ERC1: variants seen among roughly 807,000 people sequenced by gnomAD.
The protein encoded by ERC1 is ELKS/RAB6-interacting/CAST family member 1.
A neutral mutation model predicts 132.0 loss-of-function variants in ERC1; 56 were observed. The observed-to-expected ratio is 0.42, with a 90% CI of 0.34 to 0.53. The LOEUF (loss-of-function observed/expected upper bound fraction) is 0.53, where lower values mean the gene tolerates loss of function less well. ERC1 is among the 20% of genes least tolerant of loss of function. The probability of loss-of-function intolerance (pLI) is 0.03; values close to 1 mark genes in which losing one functional copy is unlikely to be tolerated. For missense variants in ERC1, 1,202 were observed against 1,349.9 expected (o/e 0.89, Z 1.72); for synonymous variants, 478 against 476.1 (o/e 1.00, Z -0.05).
chr12:1,316,145 C>G (rs561511203), intron 15 of ERC1, among the ~76,000 whole-genome samples: 154 of 152,306 alleles, frequency 1.0e-3, no homozygotes, highest in Non-Finnish European at 1.8e-3. Context: ...CCTCGGCCTC[C>G]CAAAGTGCTG....
chr12:1,217,903 C>T (rs1168653838), intron 12 of ERC1, among the ~76,000 whole-genome samples: 3 of 152,290 alleles, frequency 2.0e-5, no homozygotes, highest in African/African-American at 7.2e-5. Flanking sequence ...TGCCTCTGCC[C>T]TGAGCAGCTT....
In ERC1 at chr12:1,315,719, GA is replaced by G. The variant is rs1302100086; in HGVS notation, c.2780+25708del. ...ATTTCTGAATGGCACATTAGAGAGAGAGAAAGCCAGAGAGAGAGAGAGCGAG... is the reference window on the plus strand; with the variant it reads ...ATTTCTGAATGGCACATTAGAGAGAGGAAAGCCAGAGAGAGAGAGAGCGAG... On this transcript the variant is annotated intron_variant, in intron 15 of 18. Coordinates refer to ENST00000360905, the MANE Select transcript of ERC1 (RefSeq NM_178040.4). 8.5e-5 allele frequency among the ~76,000 whole-genome samples: 13 copies of G among 152,116 alleles called. No individual in the cohort carries two copies. In the East Asian group the frequency reaches 2.5e-3, roughly 29 times the overall value.
In ERC1 at chr12:993,985, C is replaced by G. The variant is rs913336316; in HGVS notation, c.-157+2663C>G. 2.8e-5 allele frequency among the ~76,000 whole-genome samples: 4 copies of G among 141,328 alleles called. No homozygotes were observed. In the Admixed American group the frequency reaches 3.2e-4, roughly 11 times the overall value. The allele number at this position is 141,328 out of a possible 152,430, so 92.7% of individuals were successfully genotyped here. The stretch of plus-strand genomic sequence containing the variant: ...TCAGGAAGCTGAGGCAGGAGAATTG[C>G]TTGAACCTGGGAGGTGGAGCTTGCA... On this transcript the variant is annotated intron_variant, in intron 1 of 18. Transcript: ENST00000360905.
At chr12:1,179,672 T>A (rs548814882) in intron 8 of ERC1, among the ~76,000 whole-genome samples, 4 of 151,780 alleles carry the variant, frequency 2.6e-5, no homozygotes, top group African/African-American at 4.9e-5. Flanking sequence ...TACGCCCGGC[T>A]AATTTTTTGT....
chr12:1,154,810 C>A (rs889082099), intron 8 of ERC1, among the ~76,000 whole-genome samples: 1 of 152,112 alleles, frequency 6.6e-6, no homozygotes, highest in Non-Finnish European at 1.5e-5. Flanking sequence ...AAAAAATGCT[C>A]AGCATCACTA....
chr12:1,272,492 T>C (rs548231914), intron 14 of ERC1, among the ~76,000 whole-genome samples: 17 of 152,252 alleles, frequency 1.1e-4, no homozygotes, highest in Non-Finnish European at 2.1e-4. Context: ...CTAGAAGTTG[T>C]AGATTTGCAT....
chr12:1,209,170 C>T (rs1487439596), intron 12 of ERC1, among the ~76,000 whole-genome samples: 5 of 151,840 alleles, frequency 3.3e-5, no homozygotes, highest in East Asian at 1.9e-4. Flanking sequence ...GGTTTCGCCA[C>T]GTTGCTCAGG....
intron 15 of ERC1, among the ~76,000 whole-genome samples, chr12:1,297,121 T>C (rs1198572569): frequency 6.8e-6 from 1 of 147,706 alleles, no homozygotes; most frequent in Non-Finnish European, 1.5e-5. Context: ...GCACAGTGCA[T>C]AAAGGGAAAC....
intron 8 of ERC1, among the ~76,000 whole-genome samples, chr12:1,158,302 T>C (rs1274431641): frequency 1.3e-5 from 2 of 152,216 alleles, no homozygotes; most frequent in Non-Finnish European, 2.9e-5. Context: ...ATTGTGTTGT[T>C]TTTTGTAAAG....
At chr12:1,299,184 C>T (rs1342394455) in intron 15 of ERC1, among the ~76,000 whole-genome samples, 1 of 152,064 alleles carries the variant, frequency 6.6e-6, no homozygotes, top group Non-Finnish European at 1.5e-5. Context: ...ACTTATTTAA[C>T]ATTTATAGAA....
chr12:1,302,563 A>G (rs1157258872), intron 15 of ERC1, among the ~76,000 whole-genome samples: 1 of 152,220 alleles, frequency 6.6e-6, no homozygotes, highest in Admixed American at 6.5e-5. Flanking sequence ...TGTTTAGGGC[A>G]TTTTAGGCAT....
At chr12:1,427,449 T>C (rs1489553257) in intron 17 of ERC1, among the ~76,000 whole-genome samples, 2 of 152,240 alleles carry the variant, frequency 1.3e-5, no homozygotes, top group Non-Finnish European at 2.9e-5. Context: ...AGCATTACTG[T>C]TTCTCTTATG....
intron 11 of ERC1, among the ~76,000 whole-genome samples, 182 bp from the exon 12 acceptor site, chr12:1,189,677 C>T (rs1176739436): frequency 6.6e-6 from 1 of 152,122 alleles, no homozygotes; most frequent in Non-Finnish European, 1.5e-5. Flanking sequence ...GATAATTCTC[C>T]ATTTATTACT....
intron 15 of ERC1, among the ~76,000 whole-genome samples, chr12:1,361,720 A>G (rs1009260794): frequency 6.6e-6 from 1 of 152,224 alleles, no homozygotes; most frequent in African/African-American, 2.4e-5. Flanking sequence ...ATTGGGCCAC[A>G]TTTATAAGAC....
At chr12:1,357,063 C>G (rs910969996) in intron 15 of ERC1, among the ~76,000 whole-genome samples, 2 of 152,204 alleles carry the variant, frequency 1.3e-5, no homozygotes, top group African/African-American at 4.8e-5. Flanking sequence ...ATATCCCTGA[C>G]AGCTTTCATA....
chr12:1,224,564 T>C (rs1026888001), intron 12 of ERC1, among the ~76,000 whole-genome samples: 3 of 152,136 alleles, frequency 2.0e-5, no homozygotes, highest in African/African-American at 7.2e-5. Context: ...TAGTCTGATA[T>C]AGGCAAACAA....
intron 1 of ERC1, among the ~76,000 whole-genome samples, chr12:1,018,305 G>T (rs1263365351): frequency 6.6e-6 from 1 of 152,134 alleles, no homozygotes; most frequent in African/African-American, 2.4e-5. Flanking sequence ...GGCTTCAAGC[G>T]ATTCTCCAAG....
chr12:1,426,636 T>A (rs2092650351), intron 17 of ERC1, among the ~76,000 whole-genome samples: 1 of 152,204 alleles, frequency 6.6e-6, no homozygotes, highest in African/African-American at 2.4e-5. Context: ...TACAACTATA[T>A]TGTACGTTTT....
At chr12:1,376,418 C>T (rs78603672) in intron 16 of ERC1, among the ~76,000 whole-genome samples, 2,725 of 152,226 alleles carry the variant, frequency 0.018, 84 homozygotes, top group African/African-American at 0.063. Context: ...TGTTACCTCC[C>T]GTTCTGGGTA....
Sources: allele counts gnomAD v4.1 joint callset (sites outside exome capture counted in the v4.1 genomes callset), GRCh38; gene constraint gnomAD v4.1.1; transcripts MANE v1.5; gene names NCBI Gene and HGNC (gene_info 2026-07-23, HGNC 2026-07-21).